Variants in GALNT13 observed in about 807,000 individuals in gnomAD.
The protein encoded by GALNT13 is UDP-GalNAc:polypeptide N-acetylgalactosaminyltransferase 13.
GALNT13 carries 28 observed loss-of-function variants against 64.2 expected under a neutral mutation model. The observed-to-expected ratio is 0.44, with a 90% CI of 0.32 to 0.60. The LOEUF (loss-of-function observed/expected upper bound fraction) is 0.60. GALNT13 is among the 20% of genes least tolerant of loss of function. The probability of loss-of-function intolerance (pLI) is 0.05; values close to 1 mark genes in which losing one functional copy is unlikely to be tolerated. For missense variants in GALNT13, 577 were observed against 669.8 expected, an observed-to-expected ratio of 0.86 and a Z score of 1.53; for synonymous variants, 214 against 224.6, an observed-to-expected ratio of 0.95 and a Z score of 0.42.
intron 8 of GALNT13, among the ~76,000 whole-genome samples, chr2:154,272,804 T>A (rs1176675572): frequency 6.6e-6 from 1 of 152,174 alleles, no homozygotes; most frequent in Admixed American, 6.6e-5. Context: ...AAATATATGC[T>A]GCCGTGAATT....
the GALNT13 span, among the ~76,000 whole-genome samples, chr2:153,160,364 C>T: frequency 2.6e-5 from 4 of 152,154 alleles, no homozygotes; most frequent in East Asian, 1.9e-4. Context: ...TACTCTATTT[C>T]ATGTGAAAAT....
At chr2:154,046,110 C>T (rs1249188217) in intron 3 of GALNT13, among the ~76,000 whole-genome samples, 1 of 151,534 alleles carries the variant, frequency 6.6e-6, no homozygotes, top group African/African-American at 2.4e-5. Context: ...GAGTTGGAGA[C>T]CAGCCTGGGC....
intron 3 of GALNT13, among the ~76,000 whole-genome samples, chr2:153,980,873 C>G (rs2105157579): frequency 6.6e-6 from 1 of 152,198 alleles, no homozygotes; most frequent in South Asian, 2.1e-4. Context: ...GTGAAGGTGG[C>G]TCAGAATACC....
chr2:153,944,456 T>C lies in GALNT13; in HGVS notation c.-42T>C, dbSNP rs570508882. 5 of 1,592,848 alleles carry C rather than the reference T, an allele frequency of 3.1e-6. No individual in the cohort carries two copies. Among genetic ancestry groups the C allele is most frequent in the Non-Finnish European group, 8.6e-7 (1 of 1,165,746 alleles). The stretch of plus-strand genomic sequence containing the variant: ...GTGGCTTGGATTTATCACAGTAGCA[T>C]TTGTCTTCAATCTGTGTGTTAACTA... On this transcript the variant is annotated 5_prime_UTR_variant, in exon 3 of 13. Transcript: ENST00000392825.
the GALNT13 span, chr2:153,423,406 A>T: frequency 6.6e-6 from 1 of 151,940 alleles, no homozygotes; most frequent in Non-Finnish European, 1.5e-5. Flanking sequence ...TTTAACCAAG[A>T]TACTTTGTAA....
chr2:153,086,080 A>G, the GALNT13 span, among the ~76,000 whole-genome samples: 1 of 152,178 alleles, frequency 6.6e-6, no homozygotes, highest in South Asian at 2.1e-4. Flanking sequence ...TGGGGTCTGT[A>G]GCCCCTTCGT....
At chr2:153,368,499 A>G in the GALNT13 span, among the ~76,000 whole-genome samples, 55 of 152,160 alleles carry the variant, frequency 3.6e-4, no homozygotes, top group African/African-American at 1.3e-3. Context: ...CCAAGCTAAG[A>G]CACTATGAAA....
the GALNT13 span, among the ~76,000 whole-genome samples, chr2:153,328,618 G>C: frequency 6.6e-6 from 1 of 152,128 alleles, no homozygotes; most frequent in African/African-American, 2.4e-5. Context: ...GGGGAAACCC[G>C]TCTACTCAAG....
At chr2:154,368,666 A>T (rs1697508628) in intron 9 of GALNT13, among the ~76,000 whole-genome samples, 1 of 152,138 alleles carries the variant, frequency 6.6e-6, no homozygotes. Context: ...TGCACAGGTA[A>T]TTGATTTATC....
chr2:154,199,389 A>G (rs1474934625), intron 4 of GALNT13, among the ~76,000 whole-genome samples: 2 of 152,016 alleles, frequency 1.3e-5, no homozygotes, highest in African/African-American at 4.8e-5. Context: ...ATATAATTCA[A>G]TCTTGATGTT....
chr2:153,521,077 G>C, the GALNT13 span, among the ~76,000 whole-genome samples: 261 of 152,260 alleles, frequency 1.7e-3, 1 homozygote, highest in African/African-American at 6.0e-3. Flanking sequence ...AAGGAAGACA[G>C]TGATGTTTAG....
At chr2:153,992,034 A>C (rs1158285437) in intron 3 of GALNT13, among the ~76,000 whole-genome samples, 1 of 152,196 alleles carries the variant, frequency 6.6e-6, no homozygotes, top group Non-Finnish European at 1.5e-5. Flanking sequence ...TTAATCTGAT[A>C]ATTGTTACCC....
the GALNT13 span, among the ~76,000 whole-genome samples, chr2:153,106,025 A>G: frequency 6.6e-6 from 1 of 152,138 alleles, no homozygotes; most frequent in South Asian, 2.1e-4. Context: ...ATTTGTTCAG[A>G]GGGCACTGTC....
At chr2:153,698,446 G>A in the GALNT13 span, among the ~76,000 whole-genome samples, 1 of 152,098 alleles carries the variant, frequency 6.6e-6, no homozygotes, top group South Asian at 2.1e-4. Context: ...CACAATCCTA[G>A]TCTCTGACAA....
chr2:153,668,766 C>A, the GALNT13 span, among the ~76,000 whole-genome samples: 10 of 152,144 alleles, frequency 6.6e-5, no homozygotes, highest in African/African-American at 2.4e-4. Context: ...ACCCTAGGAT[C>A]CCCACACACT....
chr2:153,348,925 G>T, the GALNT13 span, among the ~76,000 whole-genome samples: 27 of 151,978 alleles, frequency 1.8e-4, no homozygotes, highest in Non-Finnish European at 3.2e-4. Context: ...GAGAGTCTGA[G>T]GTCCTTTTGA....
chr2:154,346,299 AAATAT>A (rs1696062692), intron 9 of GALNT13, among the ~76,000 whole-genome samples: 3 of 152,232 alleles, frequency 2.0e-5, no homozygotes, highest in African/African-American at 7.2e-5. Context: ...AAATGTCAAC[AAATAT>A]AATTACTGTC....
At chr2:153,775,919 T>C in the GALNT13 span, among the ~76,000 whole-genome samples, 3 of 152,172 alleles carry the variant, frequency 2.0e-5, no homozygotes, top group African/African-American at 7.2e-5. Context: ...TGCTTTCTAC[T>C]TGTATCTTTA....
At chr2:154,280,549 A>C (rs866591994) in intron 8 of GALNT13, among the ~76,000 whole-genome samples, 112 of 152,324 alleles carry the variant, frequency 7.4e-4, no homozygotes, top group African/African-American at 2.6e-3. Context: ...CTGTAACTCC[A>C]ATTAGGAGAG....
Sources: allele counts gnomAD v4.1 joint callset (sites outside exome capture counted in the v4.1 genomes callset), GRCh38; gene constraint gnomAD v4.1.1; transcripts MANE v1.5; gene names NCBI Gene and HGNC (gene_info 2026-07-23, HGNC 2026-07-21).